The following UTS2 variants were observed in gnomAD, a reference collection of about 807,000 sequenced individuals.
UTS2 encodes urotensin 2.
UTS2 carries 10 observed loss-of-function variants against 12.6 expected under a neutral mutation model. The observed-to-expected ratio is 0.80, with a 90% confidence interval of 0.49 to 1.35. The LOEUF is 1.35. UTS2 is among the 40% of genes most tolerant of loss of function. The probability of loss-of-function intolerance (pLI) is 0.00; values close to 1 mark genes in which losing one functional copy is unlikely to be tolerated. For synonymous variants in UTS2, 52 were observed against 50.0 expected (o/e 1.04, Z -0.17); for missense variants, 142 against 143.2 (o/e 0.99, Z 0.04).
chr1:7,891,362 C>T, the UTS2 span, among the ~76,000 whole-genome samples: 2 of 151,862 alleles, frequency 1.3e-5, no homozygotes, highest in Non-Finnish European at 1.5e-5. Context: ...CCGGTCTCTA[C>T]TAAAAATACA....
At chr1:7,912,305 G>C in the UTS2 span, among the ~76,000 whole-genome samples, 3 of 152,164 alleles carry the variant, frequency 2.0e-5, no homozygotes, top group Non-Finnish European at 4.4e-5. Context: ...GAGCTCACCT[G>C]CCTCCACCAA....
At chr1:7,866,769 C>A in the UTS2 span, among the ~76,000 whole-genome samples, 2 of 152,168 alleles carry the variant, frequency 1.3e-5, no homozygotes, top group Non-Finnish European at 2.9e-5. The surrounding 1 kb of genome is among the most constrained non-coding windows in gnomAD (Gnocchi z 4.5). Context: ...TGACATGTCA[C>A]CCCATTGAAC....
At chr1:7,885,576 G>A in the UTS2 span, among the ~76,000 whole-genome samples, 3 of 152,094 alleles carry the variant, frequency 2.0e-5, no homozygotes, top group Admixed American at 6.5e-5. Flanking sequence ...ACTGAGCCTG[G>A]ATAGAGACGG....
chr1:7,863,473 T>G, the UTS2 span, among the ~76,000 whole-genome samples: 5 of 152,200 alleles, frequency 3.3e-5, no homozygotes, highest in African/African-American at 4.8e-5. Flanking sequence ...CTTACCCTGT[T>G]TAGAATGTTC....
At chr1:7,882,701 G>A in the UTS2 span, among the ~76,000 whole-genome samples, 145 of 152,206 alleles carry the variant, frequency 9.5e-4, no homozygotes, top group Non-Finnish European at 1.2e-3. Flanking sequence ...TACATGGAAC[G>A]CAAACAACTC....
At chr1:7,871,319 A>G in the UTS2 span, among the ~76,000 whole-genome samples, 4 of 149,488 alleles carry the variant, frequency 2.7e-5, no homozygotes, top group Admixed American at 6.6e-5. Flanking sequence ...CTATGTACTT[A>G]TCAGTCACGT....
chr1:7,908,499 C>G, the UTS2 span, among the ~76,000 whole-genome samples: 1 of 143,008 alleles, frequency 7.0e-6, no homozygotes, highest in African/African-American at 2.6e-5. Context: ...GACTAGTAAA[C>G]TAAGACCACC....
the UTS2 span, among the ~76,000 whole-genome samples, chr1:7,898,043 CTT>C: frequency 2.4e-4 from 37 of 152,258 alleles, no homozygotes; most frequent in Non-Finnish European, 4.9e-4. Context: ...ATAAACTTCT[CTT>C]GTTATTTCTA....
At chr1:7,895,476 T>C in the UTS2 span, among the ~76,000 whole-genome samples, 2 of 152,208 alleles carry the variant, frequency 1.3e-5, no homozygotes, top group Non-Finnish European at 2.9e-5. Flanking sequence ...AACAGAGTGA[T>C]TCAAAGCTGC....
At chr1:7,881,452 C>T in the UTS2 span, among the ~76,000 whole-genome samples, 1 of 152,060 alleles carries the variant, frequency 6.6e-6, no homozygotes, top group South Asian at 2.1e-4. Context: ...GTATATAAAA[C>T]CAACATACAA....
the UTS2 span, among the ~76,000 whole-genome samples, chr1:7,861,743 C>T: frequency 7.9e-5 from 12 of 152,228 alleles, 1 homozygote; most frequent in African/African-American, 1.2e-4. Context: ...AAGGCGGAAA[C>T]GAGCAGGTCC....
the UTS2 span, among the ~76,000 whole-genome samples, chr1:7,883,404 G>A: frequency 0.34 from 51,931 of 151,874 alleles, 9,596 homozygotes; most frequent in South Asian, 0.45. Flanking sequence ...GTGAAGAGAG[G>A]TTGGTTAATG....
intron 2 of UTS2, among the ~76,000 whole-genome samples, chr1:7,850,170 A>G (rs920813557): frequency 2.6e-5 from 4 of 151,934 alleles, no homozygotes; most frequent in South Asian, 2.1e-4. Context: ...GGTTTTCACC[A>G]TGTTGGCCAG....
chr1:7,907,041 G>T, the UTS2 span, among the ~76,000 whole-genome samples: 1 of 151,148 alleles, frequency 6.6e-6, no homozygotes, highest in Non-Finnish European at 1.5e-5. Flanking sequence ...ACCTGAGGTT[G>T]GGAGTTTGAG....
the UTS2 span, among the ~76,000 whole-genome samples, chr1:7,859,499 A>C: frequency 6.6e-6 from 1 of 152,134 alleles, no homozygotes; most frequent in South Asian, 2.1e-4. Flanking sequence ...CTTGCAGGAA[A>C]TGTGGAGAGG....
At chr1:7,878,213 G>T in the UTS2 span, among the ~76,000 whole-genome samples, 3 of 152,240 alleles carry the variant, frequency 2.0e-5, no homozygotes, top group Admixed American at 6.5e-5. Context: ...GAGAAAAAAC[G>T]TCTTTCCCAG....
At chr1:7,885,130 TCATCCATCCATC>T in the UTS2 span, among the ~76,000 whole-genome samples, 9 of 150,322 alleles carry the variant, frequency 6.0e-5, no homozygotes, top group South Asian at 2.1e-4. Context: ...CACCCACCTA[TCATCCATCCATC>T]CATCCATCCA....
chr1:7,906,463 G>GAAAGA, the UTS2 span, among the ~76,000 whole-genome samples: 1 of 107,532 alleles, frequency 9.3e-6, no homozygotes, highest in African/African-American at 3.6e-5. Context: ...AAGAAAGAAA[G>GAAAGA]AAAGAAAGAA....
At chr1:7,857,495 C>T (rs936019905), upstream of UTS2, among the ~76,000 whole-genome samples, 3 of 150,824 alleles carry the variant, frequency 2.0e-5, no homozygotes, top group African/African-American at 7.3e-5. Flanking sequence ...AAAAGATGAG[C>T]TTGTGGGCAA....
Sources: allele counts gnomAD v4.1 joint callset (sites outside exome capture counted in the v4.1 genomes callset), GRCh38; gene constraint gnomAD v4.1.1; non-coding constraint Gnocchi (gnomAD v3.1); transcripts MANE v1.5; gene names NCBI Gene and HGNC (gene_info 2026-07-23, HGNC 2026-07-21).